TEX30: variants seen among roughly 807,000 people sequenced by gnomAD.
The protein encoded by TEX30 is testis expressed 30.
A neutral mutation model predicts 23.8 loss-of-function variants in TEX30; 14 were observed. The observed-to-expected ratio is 0.59, with a 90% CI of 0.39 to 0.92. The LOEUF is 0.92. Among genes scored for constraint, TEX30 ranks in the 40% least tolerant of loss-of-function variants. The probability of loss-of-function intolerance (pLI) is 0.00; values close to 1 mark genes in which losing one functional copy is unlikely to be tolerated. For synonymous variants in TEX30, 78 were observed against 90.2 expected (o/e 0.87, Z 0.76); for missense variants, 246 against 270.6 (o/e 0.91, Z 0.64).
At chr13:102,769,976 G>A in intron 2 of TEX30, 36 bp downstream of exon 2, 2 of 1,413,200 alleles carry the variant, frequency 1.4e-6, no homozygotes, top group Non-Finnish European at 9.3e-7. Context: ...CAAAAAACCA[G>A]GAACCCTGAA....
chr13:102,770,479 G>A (rs1160503281), intron 1 of TEX30, among the ~76,000 whole-genome samples: 2 of 152,000 alleles, frequency 1.3e-5, no homozygotes, highest in East Asian at 1.9e-4. Flanking sequence ...CATCATTATA[G>A]TTCCCAAGCC....
In TEX30 at chr13:102,770,082, T is replaced by C; in HGVS notation, c.-56A>G. On this transcript the variant is annotated 5_prime_UTR_variant, in exon 2 of 6. The change abolishes an upstream ATG in the 5' untranslated region. Coordinates refer to ENST00000376032, the MANE Select transcript of TEX30 (RefSeq NM_138779.5). ...ATTTACATCTGAGAAGCAAAGGACA[T>C]CTCCCTGAAAAGAAGATTCTGTTGT... is the stretch of plus-strand genomic sequence containing the variant. 1 of 1,252,508 alleles carries C rather than the reference T, an allele frequency of 8.0e-7. No individual in the cohort carries two copies. The highest frequency in any genetic ancestry group is 3.7e-5 in the Admixed American group (1 of 27,056). 77.6% of individuals were successfully genotyped at this position (1,252,508 alleles called of 1,614,324 possible). A position where few individuals can be genotyped will look rare whatever the true frequency, so the allele number is the denominator to read the frequency against.
chr13:102,766,655 A>C, intron 5 of TEX30, 75 bp from the exon 6 acceptor site: 1 of 1,354,082 alleles, frequency 7.4e-7, no homozygotes, highest in Non-Finnish European at 1.0e-6. Flanking sequence ...TCCCCTGCCT[A>C]TACTGGCATT....
At chr13:102,769,834 T>C (rs1253992879) in intron 2 of TEX30, 178 bp downstream of exon 2, 4 of 546,662 alleles carry the variant, frequency 7.3e-6, no homozygotes, top group Non-Finnish European at 1.2e-5. Flanking sequence ...CAAGGTTATA[T>C]AGCCGCTAGC....
chr13:102,773,530 C>CTTAG (rs1347177060), intron 1 of TEX30, 152 bp downstream of exon 1: 1 of 152,168 alleles, frequency 6.6e-6, no homozygotes, highest in Non-Finnish European at 1.5e-5. Context: ...GGGCACCGAA[C>CTTAG]TTAGCGGAAC....
intron 3 of TEX30, 79 bp from the exon 4 acceptor site, chr13:102,768,390 T>A: frequency 1.0e-6 from 1 of 999,946 alleles, no homozygotes; most frequent in Non-Finnish European, 1.5e-6. Context: ...TTTCTCATCA[T>A]TACTGAAATG....
At chr13:102,772,704 T>C (rs954480515) in intron 1 of TEX30, among the ~76,000 whole-genome samples, 13 of 152,080 alleles carry the variant, frequency 8.5e-5, no homozygotes, top group African/African-American at 2.9e-4. Context: ...GCCTCCCGAG[T>C]AGCTGAGATT....
intron 5 of TEX30, 61 bp from the exon 6 acceptor site, chr13:102,766,641 T>C: frequency 2.0e-6 from 3 of 1,491,214 alleles, no homozygotes; most frequent in Non-Finnish European, 2.7e-6. Flanking sequence ...TAAAAGGTCC[T>C]CTCTCCCCTG....
intron 2 of TEX30, 127 bp from the exon 3 acceptor site, chr13:102,769,668 G>C: frequency 1.6e-6 from 1 of 635,566 alleles, no homozygotes; most frequent in Non-Finnish European, 2.7e-6. Context: ...AAAAAGTAGT[G>C]ATATTAATAA....
At chr13:102,773,052 GGAC>G (rs1877441036) in intron 1 of TEX30, among the ~76,000 whole-genome samples, 1 of 152,346 alleles carries the variant, frequency 6.6e-6, no homozygotes. Context: ...CGGAGTTCTA[GGAC>G]GACAACTACT....
At chr13:102,773,404 G>C (rs1030618438) in intron 1 of TEX30, 1 of 152,026 alleles carries the variant, frequency 6.6e-6, no homozygotes, top group African/African-American at 2.4e-5. Flanking sequence ...CCAGTCACCC[G>C]GGACTGGCTG....
At chr13:102,771,528 C>T (rs1877320915) in intron 1 of TEX30, among the ~76,000 whole-genome samples, 1 of 152,114 alleles carries the variant, frequency 6.6e-6, no homozygotes, top group African/African-American at 2.4e-5. Context: ...TGTACCTTTC[C>T]CCATCTGTGT....
intron 4 of TEX30, 151 bp downstream of exon 4, chr13:102,768,109 A>G: frequency 3.3e-6 from 2 of 603,530 alleles, no homozygotes; most frequent in South Asian, 2.4e-5. Context: ...CTCTAAGTAT[A>G]TAAAGTGCTT....
intron 1 of TEX30, among the ~76,000 whole-genome samples, chr13:102,770,469 C>A (rs1250309214): frequency 6.6e-6 from 1 of 152,188 alleles, no homozygotes; most frequent in Non-Finnish European, 1.5e-5. Flanking sequence ...CCATTTTCTT[C>A]ATCATTATAG....
chr13:102,770,145 C>T (rs1210364135), intron 1 of TEX30, 59 bp from the exon 2 acceptor site: 4 of 571,358 alleles, frequency 7.0e-6, no homozygotes, highest in Admixed American at 4.2e-5. Flanking sequence ...GACACAAAAA[C>T]TATGAATGAA....
At chr13:102,772,003 G>A (rs998860432) in intron 1 of TEX30, among the ~76,000 whole-genome samples, 9 of 152,198 alleles carry the variant, frequency 5.9e-5, no homozygotes, top group African/African-American at 2.2e-4. Context: ...TTGATTGCCA[G>A]CGTTTCCTTT....
At chr13:102,767,579 G>A in intron 4 of TEX30, 101 bp from the exon 5 acceptor site, 1 of 1,220,922 alleles carries the variant, frequency 8.2e-7, no homozygotes, top group Non-Finnish European at 1.1e-6. Flanking sequence ...CATCATATCT[G>A]TTTACCAACA....
Position 102,767,448 on chromosome 13 carries a change from G to C in TEX30, c.329C>G (p.Ser110Cys), listed in dbSNP as rs776013111. 1 of 1,614,136 alleles carries C rather than the reference G, an allele frequency of 6.2e-7. No homozygotes were observed. Among genetic ancestry groups the C allele is most frequent in the Middle Eastern group, 1.7e-4 (1 of 6,060 alleles). Reference sequence around the variant, plus strand: ...ATCTGGCTCAATGTGACACATTACAGAAGCAGCTGCTCTTGAGCCCATTGA... The same window carrying C: ...ATCTGGCTCAATGTGACACATTACACAAGCAGCTGCTCTTGAGCCCATTGA... Reference protein sequence around the residue: ...GRSMGSRAAASVMCHIEPDDG... With the variant: ...GRSMGSRAAACVMCHIEPDDG... The change falls in exon 5 of 6, where the codon TCT becomes TGT. Residue 110 changes from serine to cysteine, a missense_variant. Transcript: ENST00000376032.
Position 102,769,393 on chromosome 13 carries a change from G to A in TEX30, c.164C>T (p.Ala55Val), listed in dbSNP as rs1236110408. The stretch of plus-strand genomic sequence containing the variant: ...TCTCAGGCAGAAAAACCCATGAGAT[G>A]CAAGATGGGATGCCAGTGACATCAA... ...PHLMSLASHL[A>V]SHGFFCLRFT... Residue 55 changes from alanine to valine, a missense_variant, in exon 3 of 6, where the codon GCA (alanine) becomes GTA (valine). Coordinates refer to ENST00000376032, the MANE Select transcript of TEX30 (RefSeq NM_138779.5). 2 of 1,608,952 alleles carry A rather than the reference G, an allele frequency of 1.2e-6. No individual in the cohort carries two copies. The highest frequency in any genetic ancestry group is 1.1e-5 in the South Asian group (1 of 89,366).
Sources: gnomAD v4.1 joint callset for allele counts (sites outside exome capture counted in the v4.1 genomes callset) on GRCh38, gnomAD v4.1.1 for gene constraint, MANE v1.5 for transcripts, NCBI Gene and HGNC (gene_info 2026-07-23, HGNC 2026-07-21) for gene names.